Variants in HVCN1 observed in about 807,000 individuals in gnomAD.
The protein encoded by HVCN1 is hydrogen voltage gated channel 1, also known as voltage-gated hydrogen channel 1.
HVCN1 carries 14 observed loss-of-function variants against 29.2 expected under a neutral mutation model. The ratio of observed to expected loss-of-function variants is 0.48; its 90% CI spans 0.32 to 0.75. HVCN1 has a LOEUF of 0.75. Ranked by LOEUF, HVCN1 falls within the 30% of genes least tolerant of loss-of-function variation. The pLI is 0.04. For synonymous variants in HVCN1, 131 were observed against 133.2 expected, an observed-to-expected ratio of 0.98 and a Z score of 0.11; for missense variants, 263 against 341.8, an observed-to-expected ratio of 0.77 and a Z score of 1.82.
chr12:110,658,351 T>G lies in HVCN1; in HGVS notation c.306+2813A>C, dbSNP rs911914420. On this transcript the variant is annotated intron_variant, in intron 4 of 7. Transcript: ENST00000242607. The surrounding 1 kb of genome is among the most constrained non-coding windows in gnomAD (Gnocchi z 5.0). The stretch of plus-strand genomic sequence containing the variant: ...ACCACCTACTCCAGTGTGGCCTCAC[T>G]GCTGCCACCAAGTCCCTCCACAAAT... Among the ~76,000 whole-genome samples the G allele has an allele frequency of 7.9e-5, 12 of 152,118 alleles. No individual in the cohort carries two copies. The highest frequency in any genetic ancestry group is 2.9e-4 in the African/African-American group (12 of 41,416).
At chr12:110,697,642 G>A (rs1008468161) in intron 2 of HVCN1, among the ~76,000 whole-genome samples, 2 of 150,592 alleles carry the variant, frequency 1.3e-5, no homozygotes, top group African/African-American at 4.9e-5. Flanking sequence ...CTCACAGCGC[G>A]AAGCATCTTT....
chr12:110,670,831 A>G (rs769419502), intron 3 of HVCN1, among the ~76,000 whole-genome samples: 8 of 152,184 alleles, frequency 5.3e-5, no homozygotes, highest in Non-Finnish European at 7.4e-5. Flanking sequence ...ATGTAACTAA[A>G]GATGATAAGA....
At chr12:110,653,887 T>G (rs2067899230) in intron 5 of HVCN1, among the ~76,000 whole-genome samples, 1 of 152,080 alleles carries the variant, frequency 6.6e-6, no homozygotes, top group Non-Finnish European at 1.5e-5. Flanking sequence ...GGTTGTTAGG[T>G]GGGACTATTG....
chr12:110,650,361 A>G (rs1296970481), intron 6 of HVCN1, 81 bp from the exon 7 acceptor site: 5 of 835,512 alleles, frequency 6.0e-6, no homozygotes, highest in Non-Finnish European at 1.0e-5. Flanking sequence ...TTACACCTGT[A>G]TAGAGTTTGG....
At chr12:110,653,531 G>A (rs2067883352) in intron 5 of HVCN1, among the ~76,000 whole-genome samples, 1 of 151,770 alleles carries the variant, frequency 6.6e-6, no homozygotes, top group Non-Finnish European at 1.5e-5. Context: ...ATCCTAGTTT[G>A]AAAAAAACTG....
At chr12:110,701,901 C>CAAT (rs1423666037) in intron 2 of HVCN1, among the ~76,000 whole-genome samples, 1 of 150,976 alleles carries the variant, frequency 6.6e-6, no homozygotes, top group Non-Finnish European at 1.5e-5. Context: ...ACAACAACAA[C>CAAT]AACAACAACA....
rs1013336066 is a variant in HVCN1 at position 110,694,972 on chromosome 12, AG to A, written c.-103-6265del. Among the ~76,000 whole-genome samples the A allele has an allele frequency of 2.0e-5, 3 of 152,216 alleles. No homozygotes were observed. Among genetic ancestry groups the A allele is most frequent in the African/African-American group, 7.2e-5 (3 of 41,454 alleles). On this transcript the variant is annotated intron_variant, in intron 2 of 4. Transcript: ENST00000546713. This position sits in a 1 kb window ranked among gnomAD's most constrained non-coding sequence, Gnocchi z 4.6. ...CCGCTGGGTGATCTGTCATCAATTCAGCAAAGAGTTTCTGAGTGCCAACTAT... is the reference window on the plus strand; with the variant it reads ...CCGCTGGGTGATCTGTCATCAATTCACAAAGAGTTTCTGAGTGCCAACTAT...
intron 3 of HVCN1, among the ~76,000 whole-genome samples, chr12:110,670,290 A>T (rs544168314): frequency 6.6e-5 from 10 of 152,262 alleles, no homozygotes; most frequent in African/African-American, 2.4e-4. Context: ...ACAATCGGAG[A>T]AAAAGGTACT....
At chr12:110,691,074 T>G (rs541495680), upstream of HVCN1, among the ~76,000 whole-genome samples, 1 of 149,022 alleles carries the variant, frequency 6.7e-6, no homozygotes, top group East Asian at 2.0e-4. Flanking sequence ...CTTTCTTTTT[T>G]CTTTTTGAGG....
chr12:110,684,453 T>C (rs2069105688), intron 2 of HVCN1, among the ~76,000 whole-genome samples: 1 of 152,226 alleles, frequency 6.6e-6, no homozygotes, highest in Non-Finnish European at 1.5e-5. Flanking sequence ...TATCAGTGAA[T>C]GCACCTCTGA....
rs1400661912 is a variant in HVCN1, at chr12:110,683,282, A to C, written c.-19-18T>G. ...CTCTGGATCTGAAAAATAAAAAGAC[A>C]TTTGTCCAGATCTATCATCTTGCTG... On this transcript the variant is annotated intron_variant, in intron 2 of 7. Coordinates refer to ENST00000242607, the MANE Select transcript of HVCN1 (RefSeq NM_032369.4). The C allele has an allele frequency of 6.3e-7, 1 of 1,599,664 alleles. No homozygotes were observed. The highest frequency in any genetic ancestry group is 1.3e-5 in the African/African-American group (1 of 74,132).
At chr12:110,675,577 A>G (rs541706493) in intron 3 of HVCN1, among the ~76,000 whole-genome samples, 1 of 152,330 alleles carries the variant, frequency 6.6e-6, no homozygotes, top group South Asian at 2.1e-4. Context: ...AAAATGGCAG[A>G]AAAGTAGATT....
intron 2 of HVCN1, among the ~76,000 whole-genome samples, chr12:110,684,642 T>C (rs1399668512): frequency 1.3e-5 from 2 of 152,212 alleles, no homozygotes; most frequent in East Asian, 1.9e-4. Context: ...TGGTTATCTT[T>C]GGAAGAAAAG....
In HVCN1 at chr12:110,649,034, T is replaced by A. The variant is rs1288637912; in HGVS notation, c.*376A>T. ...GGCAGCTAAAGTAGCTTCTTTTTCT[T>A]TCTTTCAGAATGCTCAGATGCATCA... On this transcript the variant is annotated 3_prime_UTR_variant, in exon 8 of 8. Transcript: ENST00000242607. 1 of 494,818 alleles carries A rather than the reference T, an allele frequency of 2.0e-6. No individual in the cohort carries two copies. The highest frequency in any genetic ancestry group is 3.9e-6 in the Non-Finnish European group (1 of 256,178). The allele number at this position is 494,818 out of a possible 1,614,324, so 30.7% of individuals were successfully genotyped here. A position where few individuals can be genotyped will look rare whatever the true frequency, so the allele number is the denominator to read the frequency against.
chr12:110,700,845 C>T (rs995251060), intron 2 of HVCN1, among the ~76,000 whole-genome samples: 5 of 152,222 alleles, frequency 3.3e-5, no homozygotes, highest in Non-Finnish European at 7.3e-5. Context: ...TCTTGCCCTT[C>T]TTCTGGTACC....
intron 5 of HVCN1, 63 bp downstream of exon 5, chr12:110,655,171 G>C: frequency 8.0e-7 from 1 of 1,247,782 alleles, no homozygotes; most frequent in Non-Finnish European, 1.2e-6. Flanking sequence ...TCTGCACCCC[G>C]TCTGTGCAGA....
At position 110,661,230 on chromosome 12, in the gene HVCN1, GGGGCCA is replaced by G; in HGVS notation, c.234_239del (p.Gly79_Pro80del). The G allele has an allele frequency of 6.2e-7, 1 of 1,613,800 alleles. No individual in the cohort carries two copies. The highest frequency in any genetic ancestry group is 8.5e-7 in the Non-Finnish European group (1 of 1,179,724). On this transcript the variant is annotated inframe_deletion, in exon 4 of 8. Transcript: ENST00000242607. The surrounding 1 kb of genome is among the most constrained non-coding windows in gnomAD (Gnocchi z 6.2). Reference sequence around the variant, plus strand: ...TGAAGTCAAGGGGGGCCCTGGGTGCGGGGCCAGGGGCAGGGGCAACGTCAGGGGCTG... The same window carrying G: ...TGAAGTCAAGGGGGGCCCTGGGTGCGGGGGCAGGGGCAACGTCAGGGGCTG...
intron 3 of HVCN1, among the ~76,000 whole-genome samples, chr12:110,669,955 C>T (rs1593484735): frequency 1.3e-5 from 2 of 152,152 alleles, no homozygotes; most frequent in Non-Finnish European, 2.9e-5. Flanking sequence ...ACCTGGGAGG[C>T]TGAGGCTGCA....
chr12:110,703,730 G>T (rs1023408863), intron 1 of HVCN1, among the ~76,000 whole-genome samples: 2 of 151,788 alleles, frequency 1.3e-5, no homozygotes, highest in Non-Finnish European at 2.9e-5. Flanking sequence ...CATCGCCTAG[G>T]CTGGAGTGCA....
Sources: gnomAD v4.1 joint callset for allele counts (sites outside exome capture counted in the v4.1 genomes callset) on GRCh38, gnomAD v4.1.1 for gene constraint, Gnocchi (gnomAD v3.1) non-coding constraint, MANE v1.5 for transcripts, NCBI Gene and HGNC (gene_info 2026-07-23, HGNC 2026-07-21) for gene names.